LMNA: variants seen among roughly 807,000 people sequenced by gnomAD.
LMNA encodes the protein lamin A/C, also known as lamin.
A neutral mutation model predicts 70.4 loss-of-function variants in LMNA; 20 were observed. That is an observed-to-expected ratio of 0.28 (90% CI 0.20 to 0.41). The LOEUF (loss-of-function observed/expected upper bound fraction) is 0.41, where lower values mean the gene tolerates loss of function less well. Among genes scored for constraint, LMNA ranks in the 10% least tolerant of loss-of-function variants. LMNA has a pLI of 1.00. For synonymous variants in LMNA, 339 were observed against 372.8 expected (o/e 0.91, Z 1.04); for missense variants, 652 against 917.2 (o/e 0.71, Z 3.73).
intron 1 of LMNA, among the ~76,000 whole-genome samples, chr1:156,121,826 C>A (rs1650209485): frequency 6.6e-6 from 1 of 152,120 alleles, no homozygotes; most frequent in African/African-American, 2.4e-5. Context: ...TATAGGAGAT[C>A]TCTGGAAGAT....
rs1650877470 is a variant in LMNA at position 156,129,688 on chromosome 1, G to T, written c.357-929G>T. 3 of 604,976 alleles carry T rather than the reference G, an allele frequency of 5.0e-6. No individual in the cohort carries two copies. The Admixed American group carries it at 8.7e-5, about 18-fold the overall frequency. 37.5% of individuals were successfully genotyped at this position (604,976 alleles called of 1,614,324 possible). On this transcript the variant is annotated intron_variant, in intron 1 of 11. Coordinates refer to ENST00000368300, the MANE Select transcript of LMNA (RefSeq NM_170707.4). Reference sequence around the variant, plus strand: ...TAGAAAGTTCTTGGGTTCTCTGGAGGTTTTTAAGAAAATAGGACCTTTCTA... The same window carrying T: ...TAGAAAGTTCTTGGGTTCTCTGGAGTTTTTTAAGAAAATAGGACCTTTCTA...
chr1:156,125,637 C>T lies in LMNA; in HGVS notation c.357-4980C>T, dbSNP rs567502722. 1.2e-3 allele frequency among the ~76,000 whole-genome samples: 183 copies of T among 150,610 alleles called. 2 individuals carry two copies. Among genetic ancestry groups the T allele is most frequent in the Admixed American group, 5.0e-3 (76 of 15,084 alleles). The stretch of plus-strand genomic sequence containing the variant: ...CTGGGAGGTGGAGGTTGCAGGGAGC[C>T]GAGATCGCGCCACTCTACTCTAGCC... On this transcript the variant is annotated intron_variant, in intron 1 of 11. Transcript: ENST00000368300.
chr1:156,117,609 G>A (rs2102825298), intron 1 of LMNA, among the ~76,000 whole-genome samples: 1 of 151,708 alleles, frequency 6.6e-6, no homozygotes, highest in South Asian at 2.1e-4. Flanking sequence ...GCTCACTGCA[G>A]CCTCTACCTC....
intron 1 of LMNA, among the ~76,000 whole-genome samples, chr1:156,124,877 C>G (rs1478003943): frequency 6.6e-6 from 1 of 152,200 alleles, no homozygotes; most frequent in East Asian, 1.9e-4. Flanking sequence ...GCAAGCGAGA[C>G]AGAGGCAGAC....
upstream of LMNA, chr1:156,109,820 A>ATGTGTGTGTGTG (rs71080747): frequency 9.2e-4 from 114 of 123,700 alleles, no homozygotes; most frequent in African/African-American, 3.8e-3. Flanking sequence ...GTGTGTGTGC[A>ATGTGTGTGTGTG]TATATATATA....
intron 1 of LMNA, among the ~76,000 whole-genome samples, chr1:156,116,461 T>C (rs1268110398): frequency 1.3e-5 from 2 of 152,086 alleles, no homozygotes; most frequent in Non-Finnish European, 2.9e-5. Context: ...TGCCTTCCCT[T>C]TCTCTATGCA....
chr1:156,123,780 C>T (rs1650359601), intron 1 of LMNA, among the ~76,000 whole-genome samples: 1 of 152,200 alleles, frequency 6.6e-6, no homozygotes, highest in Non-Finnish European at 1.5e-5. Context: ...TTGTCCAGGA[C>T]CCCAGTGCCC....
rs558391237 is a variant in LMNA at position 156,103,141 on chromosome 1, C to A, written c.-206-11572C>A. On this transcript the variant is annotated intron_variant, in intron 3 of 12. Coordinates refer to the LMNA transcript ENST00000368301. The surrounding 1 kb of genome is among the most constrained non-coding windows in gnomAD (Gnocchi z 4.7). ...TTGTCCCTGCAGCTGCTCTGGCCAA[C>A]CCTCCAACCCTGGAGAACCTCCATA... is the stretch of plus-strand genomic sequence containing the variant. Among the ~76,000 whole-genome samples the A allele has an allele frequency of 1.3e-5, 2 of 152,346 alleles. No individual in the cohort carries two copies. Among genetic ancestry groups the A allele is most frequent in the East Asian group, 3.9e-4 (2 of 5,182 alleles).
At chr1:156,091,212 A>G (rs1425747940) in intron 3 of LMNA, 2 of 152,330 alleles carry the variant, frequency 1.3e-5, no homozygotes, top group African/African-American at 4.8e-5. Context: ...TTTCTGGGAG[A>G]CACTGTTCAG....
chr1:156,086,640 C>T (rs908970055), intron 2 of LMNA, among the ~76,000 whole-genome samples: 4 of 152,120 alleles, frequency 2.6e-5, no homozygotes, highest in Non-Finnish European at 5.9e-5. Flanking sequence ...ATCCCTTCTT[C>T]TTCCTTTTTT....
At chr1:156,100,535 T>C (rs1225710405) in intron 3 of LMNA, among the ~76,000 whole-genome samples, 1 of 152,100 alleles carries the variant, frequency 6.6e-6, no homozygotes, top group Non-Finnish European at 1.5e-5. Flanking sequence ...CTATTGTTAT[T>C]GTGACCGTGC....
chr1:156,133,075 G>A (rs1299113519), intron 2 of LMNA, among the ~76,000 whole-genome samples: 1 of 151,478 alleles, frequency 6.6e-6, no homozygotes, highest in Admixed American at 6.6e-5. Flanking sequence ...CCTGACCTTA[G>A]GTGTTCTGCC....
At chr1:156,096,945 G>A (rs1648959061) in intron 3 of LMNA, among the ~76,000 whole-genome samples, 1 of 152,186 alleles carries the variant, frequency 6.6e-6, no homozygotes. Context: ...GCAGACTCTC[G>A]CTCACCCCTC....
intron 3 of LMNA, among the ~76,000 whole-genome samples, chr1:156,099,983 TGTTG>T (rs1649087828): frequency 1.3e-5 from 2 of 151,806 alleles, no homozygotes; most frequent in African/African-American, 4.8e-5. Flanking sequence ...CTCCAAGCAA[TGTTG>T]ATGCCCAGTG....
At chr1:156,100,784 TGTGCCAG>T (rs1198966739) in intron 3 of LMNA, among the ~76,000 whole-genome samples, 3 of 152,164 alleles carry the variant, frequency 2.0e-5, no homozygotes, top group Admixed American at 6.5e-5. Flanking sequence ...CACCAGGCAC[TGTGCCAG>T]GTGCTGGCAG....
At chr1:156,114,038 T>C (rs968946676), upstream of LMNA, among the ~76,000 whole-genome samples, 8 of 151,776 alleles carry the variant, frequency 5.3e-5, no homozygotes, top group African/African-American at 1.7e-4. Context: ...TGAAGAGAGA[T>C]AGATTGGGGC....
At chr1:156,125,926 G>A (rs1392829570) in intron 1 of LMNA, among the ~76,000 whole-genome samples, 1 of 152,064 alleles carries the variant, frequency 6.6e-6, no homozygotes, top group Non-Finnish European at 1.5e-5. Flanking sequence ...GGAGGTGAAG[G>A]TTGCAGTGAG....
chr1:156,115,922 G>T lies in LMNA; in HGVS notation c.356+648G>T, dbSNP rs1480056923. Among the ~76,000 whole-genome samples the T allele has an allele frequency of 6.6e-6, 1 of 152,204 alleles. No individual in the cohort carries two copies. The highest frequency in any genetic ancestry group is 6.5e-5 in the Admixed American group (1 of 15,274). On this transcript the variant is annotated intron_variant, in intron 1 of 11. Transcript: ENST00000368300. This position sits in a 1 kb window ranked among gnomAD's most constrained non-coding sequence, Gnocchi z 5.8. Reference sequence around the variant, plus strand: ...GTTCTCCCTCACTCTGCCACTCTGCGTGTCTGGGACCTTCCTTGGGCTCTG... The same window carrying T: ...GTTCTCCCTCACTCTGCCACTCTGCTTGTCTGGGACCTTCCTTGGGCTCTG...
rs1051230331 is a variant in LMNA at position 156,101,447 on chromosome 1, G to A, written c.-207+10865G>A. 2.0e-5 allele frequency among the ~76,000 whole-genome samples: 3 copies of A among 152,102 alleles called. 1 individual carries two copies. The South Asian group carries it at 6.2e-4, about 31-fold the overall frequency. On this transcript the variant is annotated intron_variant, in intron 3 of 12. Transcript: ENST00000368301. ...TTTTGGATTGCAGTGAGCTATGATT[G>A]CACCAATGCACTCCAGCCTGCTGGA... is the stretch of plus-strand genomic sequence containing the variant.
Sources: gnomAD v4.1 joint callset for allele counts (sites outside exome capture counted in the v4.1 genomes callset) on GRCh38, gnomAD v4.1.1 for gene constraint, Gnocchi (gnomAD v3.1) non-coding constraint, MANE v1.5 for transcripts, NCBI Gene and HGNC (gene_info 2026-07-23, HGNC 2026-07-21) for gene names.